Variants in NPAS2 observed in about 807,000 individuals in gnomAD.
The protein encoded by NPAS2 is neuronal PAS domain-containing protein 2.
A neutral mutation model predicts 107.5 loss-of-function variants in NPAS2; 23 were observed. That is an observed-to-expected ratio of 0.21 (90% CI 0.15 to 0.30). The LOEUF is 0.30. Ranked by LOEUF, NPAS2 falls within the 10% of genes least tolerant of loss-of-function variation. The pLI, the probability that NPAS2 is intolerant of heterozygous loss-of-function variation, is 1.00. For synonymous variants in NPAS2, 403 were observed against 417.5 expected, an observed-to-expected ratio of 0.97 and a Z score of 0.42; for missense variants, 756 against 1,043.3, an observed-to-expected ratio of 0.72 and a Z score of 3.79.
At position 100,995,597 on chromosome 2, in the gene NPAS2, A is replaced by G. The variant is rs778928009; in HGVS notation, c.*15A>G. On this transcript the variant is annotated 3_prime_UTR_variant, in exon 21 of 21. Coordinates refer to ENST00000335681, the MANE Select transcript of NPAS2 (RefSeq NM_002518.4). ...CGCCCCGATAATGCCCCGGCACTGA[A>G]GTCGGGACACAATCAGCTTTAACCA... 6.3e-7 allele frequency: 1 copy of G among 1,598,576 alleles called. No homozygotes were observed. The highest frequency in any genetic ancestry group is 8.5e-7 in the Non-Finnish European group (1 of 1,172,346).
chr2:100,973,855 T>G (rs1203252732), intron 12 of NPAS2, among the ~76,000 whole-genome samples: 2 of 151,622 alleles, frequency 1.3e-5, no homozygotes, highest in African/African-American at 2.4e-5. Context: ...TTATTATTAT[T>G]TTTTTAGACA....
At chr2:100,949,283 G>A (rs1675084555) in intron 6 of NPAS2, 84 bp from the exon 7 acceptor site, 1 of 809,522 alleles carries the variant, frequency 1.2e-6, no homozygotes, top group South Asian at 1.4e-5. Flanking sequence ...AATCCCATAA[G>A]AGTTTTCACA....
At chr2:100,897,676 C>T (rs1242105945) in intron 1 of NPAS2, among the ~76,000 whole-genome samples, 2 of 152,242 alleles carry the variant, frequency 1.3e-5, no homozygotes, top group East Asian at 3.9e-4. Flanking sequence ...GAACAAGACT[C>T]CCCGAACCCC....
intron 12 of NPAS2, among the ~76,000 whole-genome samples, chr2:100,971,960 G>A (rs1020774920): frequency 1.3e-5 from 1 of 78,636 alleles, no homozygotes; most frequent in Non-Finnish European, 2.6e-5. Flanking sequence ...TTTTTTTTTT[G>A]AGACAAAGTC....
At chr2:100,881,813 A>G (rs1680364280) in intron 1 of NPAS2, among the ~76,000 whole-genome samples, 1 of 152,206 alleles carries the variant, frequency 6.6e-6, no homozygotes, top group Non-Finnish European at 1.5e-5. Flanking sequence ...CCAGGCGCAG[A>G]GGGCTTCACT....
Position 100,967,638 on chromosome 2 carries a change from C to G in NPAS2, c.908-643C>G, listed in dbSNP as rs1216448955. On this transcript the variant is annotated intron_variant, in intron 10 of 20. Coordinates refer to ENST00000335681, the MANE Select transcript of NPAS2 (RefSeq NM_002518.4). ...CAATAAAACCCAAATCATTCTTCTT[C>G]CTTGGATCCGTAGTCCATCTTTCTG... 3.3e-5 allele frequency among the ~76,000 whole-genome samples: 5 copies of G among 152,140 alleles called. No homozygotes were observed. The South Asian group carries it at 8.3e-4, about 25-fold the overall frequency.
chr2:100,987,886 T>C lies in NPAS2; in HGVS notation c.1630-193T>C, dbSNP rs1008511752. The C allele has an allele frequency of 6.1e-6, 4 of 660,780 alleles. No individual in the cohort carries two copies. In the East Asian group the frequency reaches 7.6e-5, roughly 13 times the overall value. 40.9% of individuals were successfully genotyped at this position (660,780 alleles called of 1,614,324 possible). A position where few individuals can be genotyped will look rare whatever the true frequency, so the allele number is the denominator to read the frequency against. On this transcript the variant is annotated intron_variant, in intron 16 of 20. Coordinates refer to ENST00000335681, the MANE Select transcript of NPAS2 (RefSeq NM_002518.4). ...GCAGAGAGAGTGTCTCTCCAGCCCA[T>C]GGCTCTGTGGCCAGTGCCTGACACT...
intron 1 of NPAS2, among the ~76,000 whole-genome samples, chr2:100,882,507 G>A (rs1223318055): frequency 6.6e-6 from 1 of 152,212 alleles, no homozygotes; most frequent in African/African-American, 2.4e-5. Flanking sequence ...AGCTACTCGG[G>A]AGGCTGAGGC....
At chr2:100,956,512 G>A (rs1209833498) in intron 7 of NPAS2, among the ~76,000 whole-genome samples, 6 of 152,194 alleles carry the variant, frequency 3.9e-5, no homozygotes, top group African/African-American at 1.4e-4. Flanking sequence ...ATGGCCTCTA[G>A]CTGTATCCAT....
chr2:100,847,890 C>T (rs999468872), intron 1 of NPAS2, among the ~76,000 whole-genome samples: 2 of 152,174 alleles, frequency 1.3e-5, no homozygotes, highest in Non-Finnish European at 2.9e-5. Context: ...TGGCTGATTT[C>T]GTGGCCTCAA....
intron 1 of NPAS2, chr2:100,878,286 G>A (rs1389387918): frequency 3.0e-6 from 3 of 985,294 alleles, no homozygotes; most frequent in South Asian, 4.7e-5. Flanking sequence ...CCAGGAGTGA[G>A]GCAAGCAGCA....
At chr2:100,840,641 G>A (rs533017931) in intron 1 of NPAS2, among the ~76,000 whole-genome samples, 5 of 151,598 alleles carry the variant, frequency 3.3e-5, no homozygotes, top group African/African-American at 1.2e-4. Context: ...GCAACCTGAT[G>A]TTCCTGAGGC....
chr2:100,846,793 T>G (rs1573451982), intron 1 of NPAS2: 1 of 152,330 alleles, frequency 6.6e-6, no homozygotes, highest in South Asian at 2.1e-4. Context: ...GAAAATGCCT[T>G]ACATATGTTA....
At chr2:100,898,081 T>C (rs1681529958) in intron 1 of NPAS2, among the ~76,000 whole-genome samples, 1 of 152,122 alleles carries the variant, frequency 6.6e-6, no homozygotes, top group Admixed American at 6.5e-5. Context: ...CGCATCAAGC[T>C]ATCACTTTTT....
At chr2:100,980,611 G>A (rs1374234542) in intron 15 of NPAS2, among the ~76,000 whole-genome samples, 6 of 151,990 alleles carry the variant, frequency 3.9e-5, no homozygotes, top group Admixed American at 3.9e-4. Context: ...CTGAGATTAC[G>A]GGTGCCCACC....
At chr2:100,944,160 G>A (rs1674748204) in intron 5 of NPAS2, among the ~76,000 whole-genome samples, 1 of 152,068 alleles carries the variant, frequency 6.6e-6, no homozygotes, top group African/African-American at 2.4e-5. Flanking sequence ...GACCTTTAGG[G>A]AGACCAAGGC....
chr2:100,987,417 A>T (rs1677842880), intron 16 of NPAS2: 1 of 152,238 alleles, frequency 6.6e-6, no homozygotes, highest in African/African-American at 2.4e-5. Context: ...ATGATTACAA[A>T]ACTTGAACAT....
intron 16 of NPAS2, chr2:100,987,850 C>A (rs1293002218): frequency 3.4e-6 from 2 of 581,648 alleles, no homozygotes; most frequent in Admixed American, 6.1e-5. Flanking sequence ...TTGCCTGTAA[C>A]CTTCATGAAG....
intron 7 of NPAS2, among the ~76,000 whole-genome samples, chr2:100,949,772 A>G (rs3820787): frequency 0.65 from 98,962 of 152,050 alleles, 32,922 homozygotes; most frequent in African/African-American, 0.76. Context: ...GAGAAACAAC[A>G]TACAGGGAAT....
Sources: allele counts gnomAD v4.1 joint callset (sites outside exome capture counted in the v4.1 genomes callset), GRCh38; gene constraint gnomAD v4.1.1; transcripts MANE v1.5; gene names NCBI Gene and HGNC (gene_info 2026-07-23, HGNC 2026-07-21).